P2RY2: variants seen among roughly 807,000 people sequenced by gnomAD.
The protein encoded by P2RY2 is P2Y purinoceptor 2.
For missense variants in P2RY2, 567 were observed against 515.7 expected (o/e 1.10, Z -0.96); for synonymous variants, 241 against 231.9 (o/e 1.04, Z -0.35).
intron 2 of P2RY2, among the ~76,000 whole-genome samples, chr11:73,229,955 T>C (rs1298294265): frequency 6.6e-6 from 1 of 152,042 alleles, no homozygotes; most frequent in Non-Finnish European, 1.5e-5. Context: ...TTCTCAAGGC[T>C]GTGGGATTTG....
In P2RY2 at chr11:73,235,422, A is replaced by G; in HGVS notation, c.*129A>G. 2.1e-6 allele frequency: 3 copies of G among 1,452,152 alleles called. No individual in the cohort carries two copies. Among genetic ancestry groups the G allele is most frequent in the Non-Finnish European group, 1.8e-6 (2 of 1,102,296 alleles). 90.0% of individuals were successfully genotyped at this position (1,452,152 alleles called of 1,614,324 possible). ...ATGCTGGATGACCCCATGCTCCGTC[A>G]TTTGACAGGGGCTCAGGATATTCAC... On this transcript the variant is annotated 3_prime_UTR_variant, in exon 3 of 3. Transcript: ENST00000393597.
chr11:73,222,488 C>T (rs1862148532), intron 1 of P2RY2, among the ~76,000 whole-genome samples: 1 of 152,176 alleles, frequency 6.6e-6, no homozygotes, highest in African/African-American at 2.4e-5. Context: ...TCCATGGCTC[C>T]TCAGTGTCCT....
rs1014643271 is a variant in P2RY2 at position 73,235,797 on chromosome 11, G to A, written c.*504G>A. ...TCTGGAATGGACTGGGTGCCACGGT[G>A]GACTTAGCTCTGAGGAGTACCCCCA... is the stretch of plus-strand genomic sequence containing the variant. On this transcript the variant is annotated 3_prime_UTR_variant, in exon 3 of 3. Coordinates refer to ENST00000393597, the MANE Select transcript of P2RY2 (RefSeq NM_002564.4). The A allele has an allele frequency of 4.0e-6, 4 of 1,001,236 alleles. No homozygotes were observed. In the African/African-American group the frequency reaches 5.2e-5, roughly 13 times the overall value. 62.0% of individuals were successfully genotyped at this position (1,001,236 alleles called of 1,614,324 possible). A position where few individuals can be genotyped will look rare whatever the true frequency, so the allele number is the denominator to read the frequency against.
At chr11:73,234,111 G>T in intron 2 of P2RY2, 45 bp from the exon 3 acceptor site, 1 of 1,554,574 alleles carries the variant, frequency 6.4e-7, no homozygotes, top group Non-Finnish European at 8.7e-7. Context: ...CCCTAGGGGC[G>T]CTCCGGCCAC....
Position 73,235,330 on chromosome 11 carries a change from G to T in P2RY2, c.*37G>T. 1 of 1,517,160 alleles carries T rather than the reference G, an allele frequency of 6.6e-7. No individual in the cohort carries two copies. Among genetic ancestry groups the T allele is most frequent in the Non-Finnish European group, 8.8e-7 (1 of 1,132,568 alleles). The allele number at this position is 1,517,160 out of a possible 1,614,324, so 94.0% of individuals were successfully genotyped here. On this transcript the variant is annotated 3_prime_UTR_variant, in exon 3 of 3. Transcript: ENST00000393597. ...TTCAGCCTGTGCAGGTTTATATTGG[G>T]AAGCTGTAGAGGACCAGGACTTGTG... is the stretch of plus-strand genomic sequence containing the variant.
chr11:73,225,610 G>A (rs769403443), intron 1 of P2RY2, among the ~76,000 whole-genome samples: 23 of 152,250 alleles, frequency 1.5e-4, no homozygotes, highest in Non-Finnish European at 2.5e-4. Flanking sequence ...GGAGGTAGTG[G>A]TCAGGGGCAC....
At chr11:73,225,346 G>T (rs536072644) in intron 1 of P2RY2, among the ~76,000 whole-genome samples, 1 of 152,258 alleles carries the variant, frequency 6.6e-6, no homozygotes, top group Non-Finnish European at 1.5e-5. Context: ...GGGGGTTACA[G>T]GTCTGCATGC....
At chr11:73,219,460 A>T (rs1862058429) in intron 1 of P2RY2, among the ~76,000 whole-genome samples, 1 of 152,160 alleles carries the variant, frequency 6.6e-6, no homozygotes, top group Non-Finnish European at 1.5e-5. Flanking sequence ...GGGACTAATG[A>T]TAAGGAATTT....
chr11:73,231,613 C>A (rs1289839355), intron 2 of P2RY2, among the ~76,000 whole-genome samples: 2 of 151,770 alleles, frequency 1.3e-5, no homozygotes, highest in Non-Finnish European at 2.9e-5. Context: ...ATCTCTACAC[C>A]CCCCAGCACC....
intron 1 of P2RY2, 144 bp downstream of exon 1, chr11:73,218,576 G>C (rs1452251805): frequency 6.6e-6 from 1 of 152,418 alleles, no homozygotes; most frequent in Non-Finnish European, 1.5e-5. Flanking sequence ...TTGCGAGCCG[G>C]CGTGTAGCGC....
chr11:73,228,562 A>G (rs1862353066), intron 2 of P2RY2, among the ~76,000 whole-genome samples: 1 of 152,154 alleles, frequency 6.6e-6, no homozygotes, highest in Non-Finnish European at 1.5e-5. Flanking sequence ...TCAGACAGCC[A>G]ATCCATCTCC....
Position 73,237,148 on chromosome 11 carries a change from T to C in P2RY2, c.*1855T>C, listed in dbSNP as rs532456572. On this transcript the variant is annotated 3_prime_UTR_variant, in exon 3 of 3. Transcript: ENST00000393597. ...GACCATGACCCAAATGATTACTCTG[T>C]ACTGTGCCAGGTGGGTGACCTGCCC... is the stretch of plus-strand genomic sequence containing the variant. 1 of 984,472 alleles carries C rather than the reference T, an allele frequency of 1.0e-6. No individual in the cohort carries two copies. The highest frequency in any genetic ancestry group is 1.1e-4 in the East Asian group (1 of 8,808). 61.0% of individuals were successfully genotyped at this position (984,472 alleles called of 1,614,324 possible).
chr11:73,228,816 A>G (rs1411516202), intron 2 of P2RY2, among the ~76,000 whole-genome samples: 2 of 152,248 alleles, frequency 1.3e-5, no homozygotes, highest in South Asian at 2.1e-4. Flanking sequence ...TTTGTAAGTA[A>G]CTTGATCAAG....
At position 73,236,577 on chromosome 11, in the gene P2RY2, A is replaced by C; in HGVS notation, c.*1284A>C. On this transcript the variant is annotated 3_prime_UTR_variant, in exon 3 of 3. Transcript: ENST00000393597. ...CATGGGGCAAGAGGGCAGGGTGTGC[A>C]TGAGCCATAAGCAGGCTGGACAGCT... 1.0e-6 allele frequency: 1 copy of C among 985,256 alleles called. No individual in the cohort carries two copies. The highest frequency in any genetic ancestry group is 4.7e-5 in the South Asian group (1 of 21,286). 61.0% of individuals were successfully genotyped at this position (985,256 alleles called of 1,614,324 possible). A position where few individuals can be genotyped will look rare whatever the true frequency, so the allele number is the denominator to read the frequency against.
chr11:73,233,774 C>T (rs1301288696), intron 2 of P2RY2, among the ~76,000 whole-genome samples: 7 of 152,192 alleles, frequency 4.6e-5, no homozygotes, highest in Non-Finnish European at 8.8e-5. Context: ...CATGAGCCAC[C>T]GTAGCCAGCT....
In P2RY2 at chr11:73,236,912, G is replaced by C. The variant is rs370882685; in HGVS notation, c.*1619G>C. The C allele has an allele frequency of 4.1e-6, 4 of 984,984 alleles. No individual in the cohort carries two copies. The highest frequency in any genetic ancestry group is 2.3e-4 in the East Asian group (2 of 8,798). The allele number at this position is 984,984 out of a possible 1,614,324, so 61.0% of individuals were successfully genotyped here. On this transcript the variant is annotated 3_prime_UTR_variant, in exon 3 of 3. Transcript: ENST00000393597. ...CCGCCCTAGCCTTTGGAAAGGGACAGGGCAAAGCTGACAGGCCTCACTCTT... is the reference window on the plus strand; with the variant it reads ...CCGCCCTAGCCTTTGGAAAGGGACACGGCAAAGCTGACAGGCCTCACTCTT...
intron 2 of P2RY2, among the ~76,000 whole-genome samples, chr11:73,228,947 G>A (rs1352565567): frequency 6.6e-6 from 1 of 152,150 alleles, no homozygotes; most frequent in Non-Finnish European, 1.5e-5. Context: ...CAGAGGGCTT[G>A]TGCCTGTGTG....
In P2RY2 at chr11:73,235,185, CAG is replaced by C; in HGVS notation, c.1028_1029del (p.Arg343AsnfsTer2). On this transcript the variant is annotated frameshift_variant, in exon 3 of 3. Coordinates refer to ENST00000393597, the MANE Select transcript of P2RY2 (RefSeq NM_002564.4). LOFTEE classifies it low-confidence loss of function (END_TRUNC). ...RRRLGLRRSD[R>X]TDMQRIEDVL... Reference sequence around the variant, plus strand: ...GCAGGCTGGGCCTGCGCAGATCCGACAGAACTGACATGCAGAGGATAGAAGAT... The same window carrying C: ...GCAGGCTGGGCCTGCGCAGATCCGACAACTGACATGCAGAGGATAGAAGAT... 6.2e-7 allele frequency: 1 copy of C among 1,611,942 alleles called. No homozygotes were observed. Among genetic ancestry groups the C allele is most frequent in the East Asian group, 2.2e-5 (1 of 44,890 alleles).
chr11:73,223,276 C>A (rs776353462), intron 1 of P2RY2, among the ~76,000 whole-genome samples: 7 of 152,200 alleles, frequency 4.6e-5, no homozygotes, highest in Non-Finnish European at 8.8e-5. Context: ...CATCCACCTT[C>A]TTTCCTCCCA....
Sources: gnomAD v4.1 joint callset for allele counts (sites outside exome capture counted in the v4.1 genomes callset) on GRCh38, gnomAD v4.1.1 for gene constraint, MANE v1.5 for transcripts, NCBI Gene and HGNC (gene_info 2026-07-23, HGNC 2026-07-21) for gene names.